Variants in GPR89B observed in about 807,000 individuals in gnomAD.
GPR89B encodes the protein G protein-coupled receptor 89B.
A neutral mutation model predicts 52.4 loss-of-function variants in GPR89B; 25 were observed. The observed-to-expected ratio is 0.48, with a 90% CI of 0.35 to 0.67. GPR89B has a LOEUF of 0.67. GPR89B is among the 30% of genes least tolerant of loss of function. The probability of loss-of-function intolerance (pLI) is 0.01; values close to 1 mark genes in which losing one functional copy is unlikely to be tolerated. For synonymous variants in GPR89B, 52 were observed against 151.2 expected, an observed-to-expected ratio of 0.34 and a Z score of 4.81; for missense variants, 146 against 450.2, an observed-to-expected ratio of 0.32 and a Z score of 6.11.
At chr1:148,007,439 G>T in the GPR89B span, among the ~76,000 whole-genome samples, 2 of 151,862 alleles carry the variant, frequency 1.3e-5, no homozygotes, top group Non-Finnish European at 2.9e-5. Flanking sequence ...GTCATATTTT[G>T]ATACCAAGAG....
At chr1:147,961,507 C>T (rs1313617349) in intron 7 of GPR89B, among the ~76,000 whole-genome samples, 1 of 152,076 alleles carries the variant, frequency 6.6e-6, no homozygotes, top group Non-Finnish European at 1.5e-5. Flanking sequence ...ACCAAATGAA[C>T]ATACAAAAAT....
At chr1:148,011,753 G>A in the GPR89B span, 1 of 152,282 alleles carries the variant, frequency 6.6e-6, no homozygotes, top group Admixed American at 6.5e-5. Context: ...GGGTCTTCCG[G>A]GAGGGATTCT....
chr1:148,022,253 C>G, the GPR89B span, among the ~76,000 whole-genome samples: 4 of 150,596 alleles, frequency 2.7e-5, no homozygotes, highest in Non-Finnish European at 5.9e-5. Context: ...AGTTCAACAT[C>G]CTGGTTCAAA....
At chr1:147,952,928 A>C (rs1655832947) in intron 5 of GPR89B, among the ~76,000 whole-genome samples, 2 of 151,354 alleles carry the variant, frequency 1.3e-5, no homozygotes, top group Admixed American at 1.3e-4. Flanking sequence ...GGAAATACAT[A>C]TATATCAAAG....
chr1:148,021,803 T>G, the GPR89B span: 1 of 148,632 alleles, frequency 6.7e-6, no homozygotes, highest in East Asian at 2.0e-4. Flanking sequence ...AGCAGTGTGG[T>G]GGGGAGGCCA....
the GPR89B span, among the ~76,000 whole-genome samples, chr1:148,025,501 C>T: frequency 7.0e-5 from 5 of 71,118 alleles, no homozygotes; most frequent in African/African-American, 2.8e-4. Flanking sequence ...CCAGCCTGGG[C>T]AACAAGAACT....
chr1:147,956,873 G>A (rs1656156769), intron 7 of GPR89B, among the ~76,000 whole-genome samples: 1 of 151,800 alleles, frequency 6.6e-6, no homozygotes, highest in Non-Finnish European at 1.5e-5. Flanking sequence ...GAGTATCTGG[G>A]ATTATAGGTG....
chr1:148,023,125 T>C, the GPR89B span, among the ~76,000 whole-genome samples: 1 of 150,878 alleles, frequency 6.6e-6, no homozygotes. Flanking sequence ...ACAGTGTCTA[T>C]AGTTCTCAAG....
intron 1 of GPR89B, among the ~76,000 whole-genome samples, chr1:147,930,849 TGC>T (rs1455133754): frequency 2.6e-5 from 4 of 152,116 alleles, no homozygotes; most frequent in African/African-American, 9.7e-5. Flanking sequence ...AACCTGGCCA[TGC>T]TATGGTGCCT....
At chr1:147,949,787 C>T (rs189119251) in intron 5 of GPR89B, among the ~76,000 whole-genome samples, 5,102 of 143,174 alleles carry the variant, frequency 0.036, 201 homozygotes, top group African/African-American at 0.058. Context: ...GACGGCTGGC[C>T]GGGCAGGGGG....
downstream of GPR89B, chr1:147,995,631 C>T (rs1422740479): frequency 0.16 from 253,279 of 1,605,720 alleles, 27,183 homozygotes; most frequent in East Asian, 0.4. Flanking sequence ...TGCTTTGACT[C>T]CACCACTATT....
At chr1:148,012,964 G>C in the GPR89B span, among the ~76,000 whole-genome samples, 2 of 152,038 alleles carry the variant, frequency 1.3e-5, no homozygotes, top group Non-Finnish European at 2.9e-5. Flanking sequence ...ATTATAAAAT[G>C]TTCAAATGTA....
intron 13 of GPR89B, 57 bp downstream of exon 13, chr1:147,992,624 G>C (rs1207554184): frequency 1.9e-6 from 3 of 1,610,216 alleles, no homozygotes; most frequent in Non-Finnish European, 2.5e-6. Context: ...AAATGTGCTT[G>C]ATACTTTTAA....
downstream of GPR89B, chr1:147,995,749 T>C: frequency 6.2e-7 from 1 of 1,604,486 alleles, no homozygotes; most frequent in Non-Finnish European, 8.5e-7. Context: ...AGACTAGAAG[T>C]GTGACATTCT....
chr1:147,958,798 G>C (rs1487144730), intron 7 of GPR89B, among the ~76,000 whole-genome samples: 1 of 151,942 alleles, frequency 6.6e-6, no homozygotes, highest in African/African-American at 2.4e-5. Flanking sequence ...AATGGTTTGT[G>C]GTCCGACAGT....
chr1:147,977,942 G>A (rs1362765552), intron 10 of GPR89B, among the ~76,000 whole-genome samples: 3 of 151,916 alleles, frequency 2.0e-5, no homozygotes, highest in African/African-American at 7.3e-5. Context: ...TACTCCTTTT[G>A]CTCAGCAAAG....
At chr1:148,005,652 A>G in the GPR89B span, 2 of 971,344 alleles carry the variant, frequency 2.1e-6, no homozygotes, top group Non-Finnish European at 1.6e-6. Context: ...TAGTCTAAGA[A>G]CATGTCAACC....
At position 147,993,539 on chromosome 1, in the gene GPR89B, A is replaced by AT. The variant is rs1659217511; in HGVS notation, c.*628dup. 1 of 167,832 alleles carries AT rather than the reference A, an allele frequency of 6.0e-6. No individual in the cohort carries two copies. Among genetic ancestry groups the AT allele is most frequent in the African/African-American group, 2.4e-5 (1 of 41,418 alleles). 10.4% of individuals were successfully genotyped at this position (167,832 alleles called of 1,614,324 possible). A position where few individuals can be genotyped will look rare whatever the true frequency, so the allele number is the denominator to read the frequency against. On this transcript the variant is annotated 3_prime_UTR_variant, in exon 14 of 14. Transcript: ENST00000314163. The stretch of plus-strand genomic sequence containing the variant: ...CCAAAAGAGAGATTTCAGTTATGTC[A>AT]TTTTTTCTTGATTTCCTGTGAACTT...
chr1:148,009,576 C>G, the GPR89B span: 1 of 1,514,898 alleles, frequency 6.6e-7, no homozygotes, highest in South Asian at 1.2e-5. Flanking sequence ...CCCACTCTTT[C>G]TGACCAGATC....
Sources: allele counts gnomAD v4.1 joint callset (sites outside exome capture counted in the v4.1 genomes callset), GRCh38; gene constraint gnomAD v4.1.1; transcripts MANE v1.5; gene names NCBI Gene and HGNC (gene_info 2026-07-23, HGNC 2026-07-21).